Variants in VAPA observed in about 807,000 individuals in gnomAD.
The protein encoded by VAPA is VAMP associated protein A.
VAPA carries 6 observed loss-of-function variants against 25.6 expected under a neutral mutation model. The ratio of observed to expected loss-of-function variants is 0.23; its 90% CI spans 0.13 to 0.46. The LOEUF is 0.46. Ranked by LOEUF, VAPA falls within the 20% of genes least tolerant of loss-of-function variation. The pLI, the probability that VAPA is intolerant of heterozygous loss-of-function variation, is 0.99. For synonymous variants in VAPA, 112 were observed against 106.2 expected (o/e 1.05, Z -0.34); for missense variants, 244 against 302.1 (o/e 0.81, Z 1.43).
rs1451241790 is a variant in VAPA, at chr18:9,959,278, TG to T, written c.*5069del. 6.6e-6 allele frequency: 1 copy of T among 152,246 alleles called. No individual in the cohort carries two copies. Among genetic ancestry groups the T allele is most frequent in the African/African-American group, 2.4e-5 (1 of 41,468 alleles). The allele number at this position is 152,246 out of a possible 1,614,324, so 9.4% of individuals were successfully genotyped here. A position where few individuals can be genotyped will look rare whatever the true frequency, so the allele number is the denominator to read the frequency against. ...GTGATGCCTTTGATTCCACTTTACA[TG>T]GAGTACTATTATTTGTGAAATGTCT... On this transcript the variant is annotated 3_prime_UTR_variant, in exon 6 of 6. Coordinates refer to ENST00000400000, the MANE Select transcript of VAPA (RefSeq NM_194434.3).
intron 5 of VAPA, among the ~76,000 whole-genome samples, chr18:9,953,039 T>C (rs1214452440): frequency 2.0e-5 from 3 of 152,150 alleles, no homozygotes; most frequent in Non-Finnish European, 4.4e-5. Context: ...TGTCCTGCCA[T>C]TTATCAGATT....
At chr18:9,927,082 T>C (rs1339082106) in intron 1 of VAPA, among the ~76,000 whole-genome samples, 1 of 152,186 alleles carries the variant, frequency 6.6e-6, no homozygotes, top group Non-Finnish European at 1.5e-5. Flanking sequence ...ATTAAAATTT[T>C]ATTCTCTTAA....
chr18:9,952,491 C>T lies in VAPA; in HGVS notation c.592-1562C>T, dbSNP rs372375507. On this transcript the variant is annotated intron_variant, in intron 5 of 5. Coordinates refer to ENST00000400000, the MANE Select transcript of VAPA (RefSeq NM_194434.3). ...CTGAGGCAGGAGAATCACTTGAACC[C>T]AGGAGGCAGAGGTTGCAGTGAGCGA... Among the ~76,000 whole-genome samples the T allele has an allele frequency of 2.0e-3, 298 of 150,434 alleles. 2 individuals are homozygous for T. Among genetic ancestry groups the T allele is most frequent in the African/African-American group, 6.9e-3 (283 of 40,740 alleles).
intron 1 of VAPA, among the ~76,000 whole-genome samples, chr18:9,920,073 C>G (rs2069143819): frequency 6.6e-6 from 1 of 151,970 alleles, no homozygotes; most frequent in South Asian, 2.1e-4. Context: ...ATTTGAGAAA[C>G]GGTGGATGTC....
rs1033985782 is a variant in VAPA, at chr18:9,954,476, TAAAG to T, written c.*268_*271del. 7 of 333,536 alleles carry T rather than the reference TAAAG, an allele frequency of 2.1e-5. No homozygotes were observed. Among genetic ancestry groups the T allele is most frequent in the East Asian group, 5.4e-5 (1 of 18,552 alleles). 20.7% of individuals were successfully genotyped at this position (333,536 alleles called of 1,614,324 possible). A position where few individuals can be genotyped will look rare whatever the true frequency, so the allele number is the denominator to read the frequency against. Reference sequence around the variant, plus strand: ...TTGAGTCCTTTATGAAATTCATAAATAAAGAATTGTTCTTTCTTTGTGGTTTTAA... The same window carrying T: ...TTGAGTCCTTTATGAAATTCATAAATAATTGTTCTTTCTTTGTGGTTTTAA... On this transcript the variant is annotated 3_prime_UTR_variant, in exon 6 of 6. Transcript: ENST00000400000.
chr18:9,946,950 A>T (rs554836559), intron 4 of VAPA, among the ~76,000 whole-genome samples: 45 of 152,192 alleles, frequency 3.0e-4, no homozygotes, highest in Admixed American at 1.6e-3. Context: ...TAAGATTTTT[A>T]AAAAAACTTC....
intron 4 of VAPA, among the ~76,000 whole-genome samples, chr18:9,941,943 T>C (rs949891309): frequency 2.6e-5 from 4 of 152,218 alleles, no homozygotes; most frequent in Non-Finnish European, 5.9e-5. Flanking sequence ...TTTTATCTTA[T>C]AGTTATGATT....
intron 1 of VAPA, among the ~76,000 whole-genome samples, chr18:9,928,097 A>C (rs1362377032): frequency 6.6e-6 from 1 of 152,096 alleles, no homozygotes; most frequent in African/African-American, 2.4e-5. Flanking sequence ...CTAGTTAAAA[A>C]ATTGTTTCCT....
chr18:9,948,464 T>G (rs932157112), intron 4 of VAPA: 1 of 152,196 alleles, frequency 6.6e-6, no homozygotes, highest in Non-Finnish European at 1.5e-5. Context: ...TTCCCTTCCC[T>G]CCGTAATTTA....
intron 4 of VAPA, among the ~76,000 whole-genome samples, chr18:9,943,840 C>CTTTTT (rs1281083775): frequency 6.6e-5 from 6 of 90,480 alleles, no homozygotes; most frequent in Admixed American, 2.6e-4. Flanking sequence ...GACATATTTC[C>CTTTTT]CTTTTTTTTT....
chr18:9,926,075 A>C (rs2143313299), intron 1 of VAPA, among the ~76,000 whole-genome samples: 1 of 152,266 alleles, frequency 6.6e-6, no homozygotes, highest in Non-Finnish European at 1.5e-5. Context: ...ATGTAATGAA[A>C]GTATCTACTT....
rs1472021355 is a variant in VAPA, at chr18:9,931,934, T to C, written c.204T>C (p.Ile68=). 6.2e-7 allele frequency: 1 copy of C among 1,608,376 alleles called. No individual in the cohort carries two copies. Among genetic ancestry groups the C allele is most frequent in the Non-Finnish European group, 8.5e-7 (1 of 1,177,434 alleles). The change falls in exon 2 of 6, where the codon ATT becomes ATC. Residue 68 remains isoleucine, a synonymous_variant. Transcript: ENST00000400000. The part of the protein sequence containing the change: ...RYCVRPNSGI[I]DPGSTVTVSV... Reference sequence around the variant, plus strand: ...GTGTGAGGCCCAACAGTGGAATTATTGACCCAGGGTCAACTGTGACTGTTT... The same window carrying C: ...GTGTGAGGCCCAACAGTGGAATTATCGACCCAGGGTCAACTGTGACTGTTT...
intron 4 of VAPA, among the ~76,000 whole-genome samples, chr18:9,942,340 G>T (rs2069374105): frequency 6.6e-6 from 1 of 152,114 alleles, no homozygotes; most frequent in African/African-American, 2.4e-5. Context: ...AATTTGGTTA[G>T]TGTTCAAAGC....
intron 1 of VAPA, among the ~76,000 whole-genome samples, chr18:9,931,061 G>A (rs1599103811): frequency 6.6e-6 from 1 of 152,104 alleles, no homozygotes; most frequent in East Asian, 1.9e-4. Context: ...TTTTTAGAAC[G>A]ATTTAAAATT....
intron 4 of VAPA, among the ~76,000 whole-genome samples, chr18:9,939,750 A>G (rs576339959): frequency 6.6e-6 from 1 of 152,220 alleles, no homozygotes; most frequent in Admixed American, 6.5e-5. Context: ...TGGTTTTCAC[A>G]ACTGAGAGGT....
At chr18:9,950,934 A>G (rs2069483151) in intron 5 of VAPA, 2 of 201,192 alleles carry the variant, frequency 9.9e-6, no homozygotes, top group South Asian at 1.9e-4. Context: ...CTGAAATGGG[A>G]TTTGTTCAAA....
chr18:9,940,997 G>A (rs1246933276), intron 4 of VAPA, among the ~76,000 whole-genome samples: 1 of 152,178 alleles, frequency 6.6e-6, no homozygotes, highest in Non-Finnish European at 1.5e-5. Flanking sequence ...TAGGTTGGAA[G>A]TGTTCTGTAG....
chr18:9,926,434 C>G (rs555776677), intron 1 of VAPA, among the ~76,000 whole-genome samples: 58 of 152,240 alleles, frequency 3.8e-4, no homozygotes, highest in Admixed American at 3.3e-3. Flanking sequence ...TTACAAAGAC[C>G]TTGTCAAGAA....
rs2069526016 is a variant in VAPA, at chr18:9,954,661, CCT to C, written c.*453_*454del. ...AGAGGTATTCCTTGGGGAAATGGTGCCTCTTACAGTGTAAATTTTTCCTCCTT... is the reference window on the plus strand; with the variant it reads ...AGAGGTATTCCTTGGGGAAATGGTGCCTTACAGTGTAAATTTTTCCTCCTT... On this transcript the variant is annotated 3_prime_UTR_variant, in exon 6 of 6. Coordinates refer to ENST00000400000, the MANE Select transcript of VAPA (RefSeq NM_194434.3). 1 of 153,742 alleles carries C rather than the reference CCT, an allele frequency of 6.5e-6. No homozygotes were observed. Among genetic ancestry groups the C allele is most frequent in the African/African-American group, 2.4e-5 (1 of 41,452 alleles). 9.5% of individuals were successfully genotyped at this position (153,742 alleles called of 1,614,324 possible).
Sources: allele counts gnomAD v4.1 joint callset (sites outside exome capture counted in the v4.1 genomes callset), GRCh38; gene constraint gnomAD v4.1.1; transcripts MANE v1.5; gene names NCBI Gene and HGNC (gene_info 2026-07-23, HGNC 2026-07-21).